The following MYT1L variants were observed in gnomAD, a reference collection of about 807,000 sequenced individuals.
MYT1L encodes the protein myelin transcription factor 1-like protein.
A neutral mutation model predicts 126.7 loss-of-function variants in MYT1L; 12 were observed. The ratio of observed to expected loss-of-function variants is 0.09; its 90% CI spans 0.06 to 0.15. The LOEUF is 0.15. Among genes scored for constraint, MYT1L ranks in the 10% least tolerant of loss-of-function variants. MYT1L has a pLI of 1.00. For synonymous variants in MYT1L, 541 were observed against 604.2 expected (o/e 0.90, Z 1.53); for missense variants, 979 against 1,585.2 (o/e 0.62, Z 6.49).
intron 4 of MYT1L, among the ~76,000 whole-genome samples, chr2:2,002,622 T>G (rs2062508907): frequency 6.6e-6 from 1 of 152,100 alleles, no homozygotes; most frequent in South Asian, 2.1e-4. Context: ...ACTCACAGGG[T>G]AGGGTCAATG....
intron 1 of MYT1L, among the ~76,000 whole-genome samples, chr2:2,312,685 C>T (rs1283747479): frequency 6.6e-6 from 1 of 152,130 alleles, no homozygotes; most frequent in Non-Finnish European, 1.5e-5. Flanking sequence ...TCTATGCTTT[C>T]TACCCCATTC....
At chr2:2,187,424 G>GGCGCGTCC (rs2148705678) in intron 2 of MYT1L, among the ~76,000 whole-genome samples, 1 of 152,060 alleles carries the variant, frequency 6.6e-6, no homozygotes, top group South Asian at 2.1e-4. Context: ...ACAACCATCA[G>GGCGCGTCC]GCCTTAATTA....
At chr2:2,294,712 C>T (rs1232483544) in intron 1 of MYT1L, among the ~76,000 whole-genome samples, 1 of 152,184 alleles carries the variant, frequency 6.6e-6, no homozygotes. Context: ...TAGGAATAAA[C>T]ATTCAGCCCA....
chr2:1,905,697 G>A (rs1008211733), intron 13 of MYT1L, among the ~76,000 whole-genome samples: 1 of 152,164 alleles, frequency 6.6e-6, no homozygotes, highest in South Asian at 2.1e-4. Flanking sequence ...TTGATTACTA[G>A]TATCAGTAAG....
chr2:2,056,287 G>A (rs752877377), intron 3 of MYT1L, among the ~76,000 whole-genome samples: 6 of 152,176 alleles, frequency 3.9e-5, no homozygotes, highest in Non-Finnish European at 8.8e-5. Flanking sequence ...CAGGCGTGAG[G>A]ACACACCCTC....
chr2:1,833,763 A>C (rs2040485275), intron 21 of MYT1L, among the ~76,000 whole-genome samples: 1 of 152,190 alleles, frequency 6.6e-6, no homozygotes, highest in Admixed American at 6.5e-5. Context: ...GCCAACCCTA[A>C]AGATAAAATG....
At chr2:2,093,770 CTA>C (rs1213694733) in intron 3 of MYT1L, among the ~76,000 whole-genome samples, 1 of 152,162 alleles carries the variant, frequency 6.6e-6, no homozygotes, top group Non-Finnish European at 1.5e-5. Flanking sequence ...TTGCCCATGC[CTA>C]TGTCCTGAAT....
chr2:2,293,368 T>C (rs2095627216), intron 1 of MYT1L, among the ~76,000 whole-genome samples: 1 of 152,134 alleles, frequency 6.6e-6, no homozygotes, highest in African/African-American at 2.4e-5. Flanking sequence ...AGTGCCCAGG[T>C]ACTACAGATA....
Position 1,979,357 on chromosome 2 carries a change from A to T in MYT1L, c.90-130T>A, listed in dbSNP as rs995762337. 2.7e-6 allele frequency: 3 copies of T among 1,098,786 alleles called. No individual in the cohort carries two copies. Among genetic ancestry groups the T allele is most frequent in the Admixed American group, 2.0e-5 (1 of 50,206 alleles). 68.1% of individuals were successfully genotyped at this position (1,098,786 alleles called of 1,614,324 possible). A position where few individuals can be genotyped will look rare whatever the true frequency, so the allele number is the denominator to read the frequency against. On this transcript the variant is annotated intron_variant, in intron 7 of 24. Transcript: ENST00000647738. This position sits in a 1 kb window ranked among gnomAD's most constrained non-coding sequence, Gnocchi z 4.0. ...AATCACACAATCCAAAGGAGGGGGA[A>T]ATTCGGGGAGGCTTTTTACGAGCAA...
At position 1,887,597 on chromosome 2, in the gene MYT1L, C is replaced by G; in HGVS notation, c.2533G>C (p.Asp845His). The G allele has an allele frequency of 1.2e-6, 2 of 1,613,998 alleles. No individual in the cohort carries two copies. The highest frequency in any genetic ancestry group is 1.7e-6 in the Non-Finnish European group (2 of 1,179,896). ...ESKDITPEDLDPFQEALEERR... is the reference protein window; with the variant it reads ...ESKDITPEDLHPFQEALEERR... Reference sequence around the variant, plus strand: ...TCTTCTAGAGCCTCCTGGAATGGGTCCAAGTCTTCTGGCTGTGGGCAAAAC... The same window carrying G: ...TCTTCTAGAGCCTCCTGGAATGGGTGCAAGTCTTCTGGCTGTGGGCAAAAC... Residue 845 changes from aspartate (D) to histidine (H), a missense_variant, in exon 17 of 25, where the codon GAC becomes CAC. Coordinates refer to ENST00000647738, the MANE Select transcript of MYT1L (RefSeq NM_001303052.2). This position sits in a 1 kb window ranked among gnomAD's most constrained non-coding sequence, Gnocchi z 4.8.
rs143827573 is a variant in MYT1L at position 2,190,179 on chromosome 2, G to C, written c.-420-17191C>G. ...CTTTTCCTCTTATTGGAAGAAGGAC[G>C]GGCACAGTGGCTCATGCCTGTAGTC... On this transcript the variant is annotated intron_variant, in intron 2 of 24. Coordinates refer to ENST00000647738, the MANE Select transcript of MYT1L (RefSeq NM_001303052.2). Among the ~76,000 whole-genome samples, 16 of 151,434 alleles carry C rather than the reference G, an allele frequency of 1.1e-4. 2 individuals are homozygous for C. Among genetic ancestry groups the C allele is most frequent in the African/African-American group, 3.7e-4 (15 of 40,792 alleles).
At chr2:1,962,461 C>G (rs2059028294) in intron 8 of MYT1L, among the ~76,000 whole-genome samples, 1 of 152,230 alleles carries the variant, frequency 6.6e-6, no homozygotes, top group South Asian at 2.1e-4. Flanking sequence ...TGCCTTGATG[C>G]TGATGGCTGC....
At chr2:2,116,806 G>C (rs964557972) in intron 3 of MYT1L, among the ~76,000 whole-genome samples, 3 of 152,240 alleles carry the variant, frequency 2.0e-5, no homozygotes, top group Non-Finnish European at 4.4e-5. Context: ...AGGCTGTGCA[G>C]GGAGTGAGGG....
rs188299094 is a variant in MYT1L at position 1,809,187 on chromosome 2, C to T, written c.3081-20G>A. 109 of 1,610,380 alleles carry T rather than the reference C, an allele frequency of 6.8e-5. No individual in the cohort carries two copies. In the East Asian group the frequency reaches 1.1e-3, roughly 16 times the overall value. On this transcript the variant is annotated intron_variant, in intron 21 of 24. Coordinates refer to ENST00000647738, the MANE Select transcript of MYT1L (RefSeq NM_001303052.2). ...GACAAGCTGTGGACAAGACACAGGA[C>T]GGCCATTAGTCAACTGTCTAATGTC...
At chr2:2,065,538 C>T (rs933468387) in intron 3 of MYT1L, among the ~76,000 whole-genome samples, 1 of 152,070 alleles carries the variant, frequency 6.6e-6, no homozygotes, top group Non-Finnish European at 1.5e-5. Context: ...ATTTTAATCA[C>T]CCTCCCCTAA....
At chr2:2,289,924 G>T (rs1181229763) in intron 1 of MYT1L, among the ~76,000 whole-genome samples, 14 of 152,238 alleles carry the variant, frequency 9.2e-5, no homozygotes, top group Non-Finnish European at 1.6e-4. Context: ...TTCCCAGGAG[G>T]CAGATCCCAG....
chr2:2,068,424 C>T (rs2074141097), intron 3 of MYT1L, among the ~76,000 whole-genome samples: 1 of 152,152 alleles, frequency 6.6e-6, no homozygotes, highest in Non-Finnish European at 1.5e-5. Context: ...TCCTGACACC[C>T]AGGCCAGGGA....
At chr2:2,015,382 G>T (rs144543941) in intron 4 of MYT1L, among the ~76,000 whole-genome samples, 6 of 152,268 alleles carry the variant, frequency 3.9e-5, no homozygotes, top group African/African-American at 1.4e-4. Flanking sequence ...TTGCCACCGT[G>T]CTCTAAAGAT....
rs1001865030 is a variant in MYT1L at position 1,889,534 on chromosome 2, G to A, written c.2284-57C>T. 6.6e-6 allele frequency: 9 copies of A among 1,368,652 alleles called. No homozygotes were observed. Among genetic ancestry groups the A allele is most frequent in the Admixed American group, 6.1e-5 (3 of 49,034 alleles). 84.8% of individuals were successfully genotyped at this position (1,368,652 alleles called of 1,614,324 possible). On this transcript the variant is annotated intron_variant, in intron 15 of 24. Transcript: ENST00000647738. This position sits in a 1 kb window ranked among gnomAD's most constrained non-coding sequence, Gnocchi z 4.1. ...GGCCCGGCATCTTGTGACACCACGAGTCCTTCCTCCCAGATTACAGTCCTG... is the reference window on the plus strand; with the variant it reads ...GGCCCGGCATCTTGTGACACCACGAATCCTTCCTCCCAGATTACAGTCCTG...
Sources: gnomAD v4.1 joint callset for allele counts (sites outside exome capture counted in the v4.1 genomes callset) on GRCh38, gnomAD v4.1.1 for gene constraint, Gnocchi (gnomAD v3.1) non-coding constraint, MANE v1.5 for transcripts, NCBI Gene and HGNC (gene_info 2026-07-23, HGNC 2026-07-21) for gene names.